Variants in PTBP3 observed in about 807,000 individuals in gnomAD.
The protein encoded by PTBP3 is polypyrimidine tract-binding protein 3.
A neutral mutation model predicts 58.7 loss-of-function variants in PTBP3; 20 were observed. The observed-to-expected ratio is 0.34, with a 90% CI of 0.24 to 0.50. The LOEUF is 0.50. Among genes scored for constraint, PTBP3 ranks in the 20% least tolerant of loss-of-function variants. The pLI is 0.98. For missense variants in PTBP3, 509 were observed against 637.2 expected (o/e 0.80, Z 2.17); for synonymous variants, 185 against 219.8 (o/e 0.84, Z 1.40).
the PTBP3 span, among the ~76,000 whole-genome samples, chr9:112,371,556 T>C: frequency 3.6e-4 from 55 of 152,196 alleles, no homozygotes; most frequent in African/African-American, 1.3e-3. Flanking sequence ...CCTCCACACA[T>C]TGTTCAAGAG....
chr9:112,359,775 G>A, the PTBP3 span, among the ~76,000 whole-genome samples: 1 of 152,028 alleles, frequency 6.6e-6, no homozygotes, highest in African/African-American at 2.4e-5. Flanking sequence ...AGCCGAGATC[G>A]TGCCATTGCA....
intron 5 of PTBP3, among the ~76,000 whole-genome samples, chr9:112,257,940 C>CAAAAAAAA (rs56934009): frequency 1.7e-5 from 2 of 119,336 alleles, no homozygotes; most frequent in Non-Finnish European, 1.9e-5. Context: ...GACTCCATCT[C>CAAAAAAAA]AAAAAAAAAA....
At chr9:112,318,212 C>A (rs1268287822) in intron 1 of PTBP3, among the ~76,000 whole-genome samples, 4 of 151,998 alleles carry the variant, frequency 2.6e-5, no homozygotes, top group African/African-American at 9.7e-5. Context: ...AAAGGTCACC[C>A]AGATTAGAAA....
chr9:112,357,383 C>T, the PTBP3 span, among the ~76,000 whole-genome samples: 141 of 152,178 alleles, frequency 9.3e-4, no homozygotes, highest in African/African-American at 3.2e-3. Flanking sequence ...CAGGGTCTTG[C>T]TCTGTCATCC....
At chr9:112,310,786 G>C (rs952149639) in intron 1 of PTBP3, among the ~76,000 whole-genome samples, 1 of 152,178 alleles carries the variant, frequency 6.6e-6, no homozygotes, top group Non-Finnish European at 1.5e-5. Flanking sequence ...AAGAGAAAAA[G>C]GCATTTAACC....
At chr9:112,332,669 A>C in intron 1 of PTBP3, 3 of 1,259,876 alleles carry the variant, frequency 2.4e-6, no homozygotes, top group Non-Finnish European at 3.2e-6. Flanking sequence ...GAGTCCCCAG[A>C]GAACAGTTTA....
intron 1 of PTBP3, among the ~76,000 whole-genome samples, chr9:112,316,931 C>T (rs1174894910): frequency 6.7e-6 from 1 of 149,870 alleles, no homozygotes; most frequent in Non-Finnish European, 1.5e-5. Context: ...GAGATCATGC[C>T]GCTGCACTCC....
intron 1 of PTBP3, among the ~76,000 whole-genome samples, chr9:112,299,002 C>T (rs1237440743): frequency 6.6e-6 from 1 of 152,098 alleles, no homozygotes; most frequent in African/African-American, 2.4e-5. Context: ...TCACTTAAAG[C>T]ACAGGTCTTC....
intron 2 of PTBP3, among the ~76,000 whole-genome samples, chr9:112,292,025 T>C (rs963531959): frequency 4.6e-5 from 7 of 151,796 alleles, no homozygotes; most frequent in Non-Finnish European, 8.8e-5. Flanking sequence ...ACAAAAACAA[T>C]CCAATCAAAA....
rs77634120 is a variant in PTBP3 at position 112,310,797 on chromosome 9, A to G, written c.-51-12881T>C. Among the ~76,000 whole-genome samples the G allele has an allele frequency of 8.6e-3, 1,314 of 152,370 alleles. 23 individuals are homozygous for G. The highest frequency in any genetic ancestry group is 0.03 in the African/African-American group (1,252 of 41,586). On this transcript the variant is annotated intron_variant, in intron 1 of 13. Coordinates refer to ENST00000374257, the MANE Select transcript of PTBP3 (RefSeq NM_001163788.4). ...ACTTAAGAGAAAAAGGCATTTAACC[A>G]AAGTCTTACAAGTAGTAAGGAGTAA...
chr9:112,352,909 T>C, the PTBP3 span, among the ~76,000 whole-genome samples: 8 of 150,008 alleles, frequency 5.3e-5, no homozygotes, highest in African/African-American at 2.0e-4. Flanking sequence ...TTTTTTTTCT[T>C]TTTTTTTTTG....
the PTBP3 span, among the ~76,000 whole-genome samples, chr9:112,379,025 A>G: frequency 6.6e-6 from 1 of 152,300 alleles, no homozygotes; most frequent in East Asian, 1.9e-4. Flanking sequence ...CGTCTCTACT[A>G]AAAACACAAA....
At chr9:112,328,082 A>G (rs995576127) in intron 1 of PTBP3, among the ~76,000 whole-genome samples, 2 of 152,212 alleles carry the variant, frequency 1.3e-5, no homozygotes, top group African/African-American at 4.8e-5. Flanking sequence ...TCTTTTTTTA[A>G]AAGTCCATAT....
At chr9:112,351,078 C>T in the PTBP3 span, among the ~76,000 whole-genome samples, 1 of 152,350 alleles carries the variant, frequency 6.6e-6, no homozygotes, top group Admixed American at 6.5e-5. Context: ...AGCCACCGTG[C>T]CTGGCCCAAG....
chr9:112,296,927 T>C (rs1192426070), intron 2 of PTBP3, among the ~76,000 whole-genome samples: 1 of 152,238 alleles, frequency 6.6e-6, no homozygotes, highest in East Asian at 1.9e-4. Flanking sequence ...AGTTATTCAA[T>C]TTTCTTCATC....
At chr9:112,244,186 A>G (rs1835775636) in intron 7 of PTBP3, among the ~76,000 whole-genome samples, 1 of 150,196 alleles carries the variant, frequency 6.7e-6, no homozygotes, top group South Asian at 2.1e-4. Context: ...CAGCTTCGGG[A>G]GGCTGAGGCA....
At chr9:112,257,565 T>C (rs1432266272) in intron 5 of PTBP3, among the ~76,000 whole-genome samples, 1 of 152,218 alleles carries the variant, frequency 6.6e-6, no homozygotes, top group African/African-American at 2.4e-5. Context: ...CAAATTCTGA[T>C]AAAATTCATC....
upstream of PTBP3, chr9:112,333,633 G>A: frequency 1.3e-6 from 1 of 788,988 alleles, no homozygotes; most frequent in Non-Finnish European, 1.9e-6. Context: ...AACAGGGGCG[G>A]GGACCGGGCA....
the PTBP3 span, among the ~76,000 whole-genome samples, chr9:112,343,826 C>T: frequency 5.6e-3 from 855 of 151,868 alleles, 6 homozygotes; most frequent in African/African-American, 0.02. Flanking sequence ...TACATGCCCT[C>T]ATTTTTCATT....
Sources: gnomAD v4.1 joint callset for allele counts (sites outside exome capture counted in the v4.1 genomes callset) on GRCh38, gnomAD v4.1.1 for gene constraint, MANE v1.5 for transcripts, NCBI Gene and HGNC (gene_info 2026-07-23, HGNC 2026-07-21) for gene names.